FAM234A: variants seen among roughly 807,000 people sequenced by gnomAD.
FAM234A encodes family with sequence similarity 234 member A.
FAM234A carries 42 observed loss-of-function variants against 49.1 expected under a neutral mutation model. The ratio of observed to expected loss-of-function variants is 0.86; its 90% confidence interval spans 0.67 to 1.11. The LOEUF (loss-of-function observed/expected upper bound fraction) is 1.11. Ranked by LOEUF, FAM234A falls within the 50% of genes least tolerant of loss-of-function variation. The pLI is 0.00. For missense variants in FAM234A, 815 were observed against 745.2 expected, an observed-to-expected ratio of 1.09 and a Z score of -1.09; for synonymous variants, 369 against 316.2, an observed-to-expected ratio of 1.17 and a Z score of -1.77.
intron 2 of FAM234A, among the ~76,000 whole-genome samples, chr16:250,227 G>A (rs141805076): frequency 3.9e-5 from 6 of 152,286 alleles, no homozygotes; most frequent in African/African-American, 7.2e-5. Flanking sequence ...CACCGCGCCC[G>A]GCCAGGAATC....
chr16:260,730 T>C (rs1411141047), intron 5 of FAM234A: 4 of 446,270 alleles, frequency 9.0e-6, no homozygotes, highest in Non-Finnish European at 1.9e-5. Flanking sequence ...ATGTTCATAT[T>C]TCCCTTACAA....
At chr16:264,251 A>G (rs926013987) in intron 11 of FAM234A, 80 bp downstream of exon 11, 3 of 1,404,752 alleles carry the variant, frequency 2.1e-6, no homozygotes, top group Non-Finnish European at 2.8e-6. Flanking sequence ...TGGAGTGCCC[A>G]GAAGCTCATC....
At chr16:243,619 T>A (rs1282194875) in intron 1 of FAM234A, among the ~76,000 whole-genome samples, 2 of 152,270 alleles carry the variant, frequency 1.3e-5, no homozygotes, top group African/African-American at 4.8e-5. Flanking sequence ...CTTGCCGTTG[T>A]GGCTTTTAAT....
chr16:236,143 T>C (rs1052138818), intron 1 of FAM234A, among the ~76,000 whole-genome samples: 12 of 151,356 alleles, frequency 7.9e-5, no homozygotes, highest in African/African-American at 2.9e-4. Flanking sequence ...TTATTTTTAG[T>C]AGGGGTTTCA....
At chr16:239,285 G>C (rs2050527634) in intron 1 of FAM234A, among the ~76,000 whole-genome samples, 2 of 139,816 alleles carry the variant, frequency 1.4e-5, no homozygotes, top group African/African-American at 5.4e-5. Context: ...GGGCGACAGA[G>C]CAAGACTCTG....
downstream of FAM234A, chr16:268,560 T>C (rs1026966195): frequency 2.3e-5 from 14 of 598,688 alleles, no homozygotes; most frequent in Non-Finnish European, 4.2e-5. Context: ...CTGGCAAGGA[T>C]CCACCCTATG....
Position 236,783 on chromosome 16 carries a change from G to A in FAM234A, c.-140+1926G>A, listed in dbSNP as rs567684218. ...TAGCCGGGCGAGGTGGCGGGCGCCT[G>A]TAGTCCCAGCTACGCGGGAGGCTGA... On this transcript the variant is annotated intron_variant, in intron 1 of 12. Coordinates refer to ENST00000399932, the MANE Select transcript of FAM234A (RefSeq NM_032039.4). Among the ~76,000 whole-genome samples the A allele has an allele frequency of 1.6e-3, 201 of 123,070 alleles. 27 individuals are homozygous for A. Among genetic ancestry groups the A allele is most frequent in the Non-Finnish European group, 2.3e-3 (121 of 52,512 alleles). The allele number at this position is 123,070 out of a possible 152,430, so 80.7% of individuals were successfully genotyped here. A position where few individuals can be genotyped will look rare whatever the true frequency, so the allele number is the denominator to read the frequency against.
chr16:267,820 TCA>T (rs1441063800), downstream of FAM234A, among the ~76,000 whole-genome samples: 4 of 137,396 alleles, frequency 2.9e-5, no homozygotes, highest in Admixed American at 1.5e-4. Context: ...CTACACACAA[TCA>T]CACATGCTAT....
chr16:254,158 T>C (rs900382694), intron 2 of FAM234A: 1 of 511,062 alleles, frequency 2.0e-6, no homozygotes, highest in Non-Finnish European at 3.5e-6. Context: ...CTGCTGGCTC[T>C]CCACAGCTAA....
chr16:254,685 AG>A lies in FAM234A; in HGVS notation c.268+5del. Reference sequence around the variant, plus strand: ...AGGATAGACTACAGTGCCGCTGGTGAGCCTCGGCTTCCCCGCCCAGTGGGGT... The same window carrying A: ...AGGATAGACTACAGTGCCGCTGGTGACCTCGGCTTCCCCGCCCAGTGGGGT... On this transcript the variant is annotated splice_donor_5th_base_variant and intron_variant, in intron 3 of 12. Coordinates refer to ENST00000399932, the MANE Select transcript of FAM234A (RefSeq NM_032039.4). 6.2e-7 allele frequency: 1 copy of A among 1,612,642 alleles called. No homozygotes were observed. Among genetic ancestry groups the A allele is most frequent in the Non-Finnish European group, 8.5e-7 (1 of 1,179,502 alleles).
downstream of FAM234A, chr16:268,743 C>T (rs773138294): frequency 1.9e-6 from 3 of 1,543,296 alleles, no homozygotes; most frequent in Non-Finnish European, 2.6e-6. Flanking sequence ...TCGAGGCAGC[C>T]TCAGCACGGC....
chr16:249,954 T>A (rs867750816), intron 2 of FAM234A, among the ~76,000 whole-genome samples: 18 of 152,124 alleles, frequency 1.2e-4, no homozygotes, highest in East Asian at 3.9e-4. Context: ...TTAAAAAAAA[T>A]TTTTCTTTTT....
rs367768007 is a variant in FAM234A at position 263,746 on chromosome 16, G to C, written c.1159G>C (p.Val387Leu). The change falls in exon 10 of 13, where the codon GTT (valine) becomes CTT (leucine). Residue 387 changes from valine (V) to leucine (L), a missense_variant. Physicochemically the swap from Val to Leu is conservative, Grantham distance 32 (BLOSUM62 1). Coordinates refer to ENST00000399932, the MANE Select transcript of FAM234A (RefSeq NM_032039.4). ...RYKPDTLAVA[V>L]ENGTGTDRQI... ...CAAACCAGACACCTTGGCTGTAGCC[G>C]TTGAAAACGGAACTGGCACCGACAG... 4 of 1,613,852 alleles carry C rather than the reference G, an allele frequency of 2.5e-6. No homozygotes were observed. The highest frequency in any genetic ancestry group is 3.4e-6 in the Non-Finnish European group (4 of 1,179,872).
intron 3 of FAM234A, among the ~76,000 whole-genome samples, chr16:258,537 G>A (rs2051329847): frequency 6.6e-6 from 1 of 152,174 alleles, no homozygotes. Context: ...AAAATGAAAA[G>A]TCTCCCATGT....
intron 8 of FAM234A, 87 bp downstream of exon 8, chr16:262,640 G>C: frequency 6.6e-6 from 9 of 1,365,140 alleles, no homozygotes; most frequent in Non-Finnish European, 7.7e-6. Context: ...AATCTGTGTG[G>C]AGCCCAGAGC....
chr16:244,172 G>T (rs1316866877), intron 1 of FAM234A, among the ~76,000 whole-genome samples: 1 of 152,096 alleles, frequency 6.6e-6, no homozygotes, highest in African/African-American at 2.4e-5. Flanking sequence ...GTTTCACCGT[G>T]TTAGCTAGGA....
rs1235524946 is a variant in FAM234A, at chr16:264,533, C to T, written c.1345-81C>T. ...AGGGCCCCTAGCAGACATAGAGCTC[C>T]AGGCACGGTCACTCTGACAGCAGTG... On this transcript the variant is annotated intron_variant, in intron 11 of 12. Coordinates refer to ENST00000399932, the MANE Select transcript of FAM234A (RefSeq NM_032039.4). The T allele has an allele frequency of 3.1e-6, 3 of 977,714 alleles. No individual in the cohort carries two copies. The East Asian group carries it at 7.3e-5, about 24-fold the overall frequency. 60.6% of individuals were successfully genotyped at this position (977,714 alleles called of 1,614,324 possible). A position where few individuals can be genotyped will look rare whatever the true frequency, so the allele number is the denominator to read the frequency against.
chr16:263,932 C>A, intron 10 of FAM234A, 84 bp from the exon 11 acceptor site: 1 of 1,495,340 alleles, frequency 6.7e-7, no homozygotes, highest in Non-Finnish European at 9.2e-7. Context: ...GCTGGCATGG[C>A]TGAGGGCACG....
chr16:268,424 G>A (rs984530452), downstream of FAM234A: 4 of 351,698 alleles, frequency 1.1e-5, no homozygotes, highest in Non-Finnish European at 1.6e-5. Flanking sequence ...CGAGAGAGTT[G>A]AAGCTGCACC....
Sources: allele counts gnomAD v4.1 joint callset (sites outside exome capture counted in the v4.1 genomes callset), GRCh38; gene constraint gnomAD v4.1.1; transcripts MANE v1.5; gene names NCBI Gene and HGNC (gene_info 2026-07-23, HGNC 2026-07-21).